The following INPP4B variants were observed in gnomAD, a reference collection of about 807,000 sequenced individuals.
The protein encoded by INPP4B is inositol polyphosphate 4-phosphatase type II.
INPP4B carries 55 observed loss-of-function variants against 122.5 expected under a neutral mutation model. The ratio of observed to expected loss-of-function variants is 0.45; its 90% CI spans 0.36 to 0.56. The LOEUF is 0.56. INPP4B is among the 20% of genes least tolerant of loss of function. INPP4B has a pLI of 0.00. For missense variants in INPP4B, 1,000 were observed against 1,097.7 expected (o/e 0.91, Z 1.26); for synonymous variants, 403 against 388.7 (o/e 1.04, Z -0.43).
At chr4:142,295,814 G>A (rs983896073) in intron 9 of INPP4B, among the ~76,000 whole-genome samples, 16 of 150,000 alleles carry the variant, frequency 1.1e-4, no homozygotes, top group African/African-American at 3.9e-4. Context: ...CAAAAAACAT[G>A]TATTAATAAC....
intron 1 of INPP4B, among the ~76,000 whole-genome samples, chr4:142,775,830 T>A: frequency 6.6e-6 from 1 of 152,168 alleles, no homozygotes; most frequent in East Asian, 1.9e-4. Flanking sequence ...TTAAGCATGA[T>A]GTTTACTGTA....
At chr4:142,456,673 C>A (rs1038371089) in intron 3 of INPP4B, among the ~76,000 whole-genome samples, 18 of 151,928 alleles carry the variant, frequency 1.2e-4, no homozygotes, top group African/African-American at 4.1e-4. Context: ...AATCTATAAA[C>A]ATTGATGAAA....
At chr4:142,181,186 G>A (rs527470600) in intron 15 of INPP4B, among the ~76,000 whole-genome samples, 37 of 152,272 alleles carry the variant, frequency 2.4e-4, no homozygotes, top group African/African-American at 8.4e-4. Flanking sequence ...GACAGCTGTA[G>A]TTTCAGGGCT....
intron 8 of INPP4B, among the ~76,000 whole-genome samples, chr4:142,308,585 C>T (rs1764303172): frequency 6.6e-6 from 1 of 152,098 alleles, no homozygotes; most frequent in Non-Finnish European, 1.5e-5. Flanking sequence ...TATGTGAATA[C>T]TCACTGAACA....
rs199757703 is a variant in INPP4B, at chr4:142,691,810, T to TG, written c.-191+34028dup. 4.9e-3 allele frequency among the ~76,000 whole-genome samples: 751 copies of TG among 152,038 alleles called. 3 individuals carry two copies. Among genetic ancestry groups the TG allele is most frequent in the African/African-American group, 0.017 (696 of 41,462 alleles). On this transcript the variant is annotated intron_variant, in intron 2 of 25. Coordinates refer to ENST00000262992, the MANE Select transcript of INPP4B (RefSeq NM_001101669.3). Reference sequence around the variant, plus strand: ...CTATAAAAACTCTGCATCAAAAACGTGGGGGGGACAAGCAAAAGGCTTGAG... The same window carrying TG: ...CTATAAAAACTCTGCATCAAAAACGTGGGGGGGGACAAGCAAAAGGCTTGAG...
At chr4:142,616,085 G>A (rs115310046) in intron 2 of INPP4B, among the ~76,000 whole-genome samples, 2,045 of 152,126 alleles carry the variant, frequency 0.013, 35 homozygotes, top group African/African-American at 0.038. Flanking sequence ...GAAGCTAGAT[G>A]GACAAGGTGA....
intron 2 of INPP4B, among the ~76,000 whole-genome samples, chr4:142,720,795 C>CTATATATA (rs1192287551): frequency 2.4e-4 from 8 of 33,596 alleles, no homozygotes; most frequent in South Asian, 2.1e-3. Flanking sequence ...CTCTCTCTCT[C>CTATATATA]TCTCTCTCTC....
rs151004688 is a variant in INPP4B at position 142,371,837 on chromosome 4, T to C, written c.372+31101A>G. ...GCTCTTATACACTATGGTGGGAATA[T>C]AAATTAGTACAGCCATTATGGAAAA... On this transcript the variant is annotated intron_variant, in intron 7 of 25. Coordinates refer to ENST00000262992, the MANE Select transcript of INPP4B (RefSeq NM_001101669.3). Among the ~76,000 whole-genome samples the C allele has an allele frequency of 5.4e-3, 819 of 151,400 alleles. 3 individuals are homozygous for C. The highest frequency in any genetic ancestry group is 0.019 in the African/African-American group (784 of 41,270).
intron 2 of INPP4B, among the ~76,000 whole-genome samples, chr4:142,705,795 G>T (rs531971756): frequency 6.6e-6 from 1 of 152,282 alleles, no homozygotes; most frequent in Non-Finnish European, 1.5e-5. Flanking sequence ...AATGTACAAG[G>T]TTTTGTTATA....
chr4:142,319,661 C>T (rs1769245202), intron 7 of INPP4B, among the ~76,000 whole-genome samples: 1 of 152,164 alleles, frequency 6.6e-6, no homozygotes, highest in South Asian at 2.1e-4. Flanking sequence ...GAATATAGTA[C>T]ACTCTCTCCA....
chr4:142,677,882 C>A (rs1264292305), intron 2 of INPP4B, among the ~76,000 whole-genome samples: 1 of 151,880 alleles, frequency 6.6e-6, no homozygotes, highest in African/African-American at 2.4e-5. Flanking sequence ...AGGAGAAATA[C>A]CTAGTGTAGA....
chr4:142,264,769 A>G (rs1259728842), intron 10 of INPP4B, among the ~76,000 whole-genome samples: 2 of 152,210 alleles, frequency 1.3e-5, no homozygotes, highest in African/African-American at 4.8e-5. Flanking sequence ...TGTGTCTTCC[A>G]AAGTTCATAT....
intron 2 of INPP4B, among the ~76,000 whole-genome samples, chr4:142,495,831 T>C (rs1022387506): frequency 7.2e-5 from 11 of 152,176 alleles, no homozygotes; most frequent in African/African-American, 2.7e-4. Context: ...GTTACTTCTT[T>C]GCTGAGTGGG....
rs981818482 is a variant in INPP4B at position 142,737,704 on chromosome 4, A to G, written c.-253-11803T>C. On this transcript the variant is annotated intron_variant, in intron 1 of 25. Transcript: ENST00000262992. ...TACAGAATGGGAGAAAATTTTTACA[A>G]TCTACTCATCTGACAAAGGGCTAAT... is the stretch of plus-strand genomic sequence containing the variant. Among the ~76,000 whole-genome samples, 4 of 152,206 alleles carry G rather than the reference A, an allele frequency of 2.6e-5. No individual in the cohort carries two copies. The South Asian group carries it at 8.3e-4, about 32-fold the overall frequency.
chr4:142,191,433 C>T (rs993683107), intron 15 of INPP4B, among the ~76,000 whole-genome samples: 2 of 152,190 alleles, frequency 1.3e-5, no homozygotes, highest in African/African-American at 4.8e-5. Flanking sequence ...AGTAGGGAAT[C>T]AGTGAGAAAC....
In INPP4B at chr4:142,655,701, A is replaced by G. The variant is rs148968403; in HGVS notation, c.-191+70138T>C. On this transcript the variant is annotated intron_variant, in intron 2 of 25. Coordinates refer to ENST00000262992, the MANE Select transcript of INPP4B (RefSeq NM_001101669.3). ...AATCTGTGGCAACATACTGTAGATTACAAACTTATTCCTAATAATGTTACT... is the reference window on the plus strand; with the variant it reads ...AATCTGTGGCAACATACTGTAGATTGCAAACTTATTCCTAATAATGTTACT... Among the ~76,000 whole-genome samples, 466 of 152,360 alleles carry G rather than the reference A, an allele frequency of 3.1e-3. 6 individuals carry two copies. The highest frequency in any genetic ancestry group is 0.024 in the Admixed American group (373 of 15,304).
intron 1 of INPP4B, among the ~76,000 whole-genome samples, chr4:142,762,218 T>C (rs912567113): frequency 2.6e-5 from 4 of 152,116 alleles, no homozygotes; most frequent in African/African-American, 9.7e-5. Context: ...TGTAAGCATC[T>C]TAGAGCCTTC....
In INPP4B at chr4:142,759,825, TAAAAA is replaced by T. The variant is rs70949188; in HGVS notation, c.-253-33929_-253-33925del. On this transcript the variant is annotated intron_variant, in intron 1 of 25. Transcript: ENST00000262992. ...CCCAGAGCTTATATAGAGCTTTTTC[TAAAAA>T]AAAAAAAAAAAAAAAAAAAAAAATT... Among the ~76,000 whole-genome samples the T allele has an allele frequency of 2.4e-3, 170 of 70,044 alleles. No homozygotes were observed. In the East Asian group the frequency reaches 0.03, roughly 12 times the overall value. The allele number at this position is 70,044 out of a possible 152,430, so 46.0% of individuals were successfully genotyped here.
chr4:142,837,918 C>G (rs543922094), intron 1 of INPP4B, among the ~76,000 whole-genome samples: 13 of 152,084 alleles, frequency 8.5e-5, no homozygotes, highest in African/African-American at 3.1e-4. Context: ...AAAAACATTA[C>G]CAATAATCTT....
Sources: allele counts gnomAD v4.1 joint callset (sites outside exome capture counted in the v4.1 genomes callset), GRCh38; gene constraint gnomAD v4.1.1; transcripts MANE v1.5; gene names NCBI Gene and HGNC (gene_info 2026-07-23, HGNC 2026-07-21).